CFAP61: variants seen among roughly 807,000 people sequenced by gnomAD.
The protein encoded by CFAP61 is cilia- and flagella-associated protein 61.
A neutral mutation model predicts 135.6 loss-of-function variants in CFAP61; 107 were observed. The ratio of observed to expected loss-of-function variants is 0.79; its 90% CI spans 0.67 to 0.93. The LOEUF is 0.93. Among genes scored for constraint, CFAP61 ranks in the 40% least tolerant of loss-of-function variants. The pLI is 0.00. For missense variants in CFAP61, 1,507 were observed against 1,556.2 expected, an observed-to-expected ratio of 0.97 and a Z score of 0.53; for synonymous variants, 575 against 578.5, an observed-to-expected ratio of 0.99 and a Z score of 0.09.
intron 25 of CFAP61, among the ~76,000 whole-genome samples, chr20:20,327,536 A>C (rs1170973194): frequency 6.6e-6 from 1 of 152,178 alleles, no homozygotes; most frequent in Non-Finnish European, 1.5e-5. Flanking sequence ...AATGGCTGGC[A>C]TGAGCTCTCA....
chr20:20,166,775 T>G (rs1345393377), intron 12 of CFAP61, among the ~76,000 whole-genome samples: 1 of 152,182 alleles, frequency 6.6e-6, no homozygotes, highest in African/African-American at 2.4e-5. Flanking sequence ...CTCCAAGTAT[T>G]CTGAAACCAT....
chr20:20,127,490 T>C (rs1391316286), intron 8 of CFAP61, among the ~76,000 whole-genome samples: 2 of 151,692 alleles, frequency 1.3e-5, no homozygotes, highest in Admixed American at 6.6e-5. Flanking sequence ...GTTCTCTCTC[T>C]TCTGGGTCTA....
chr20:20,287,361 G>A (rs901657896), intron 22 of CFAP61, among the ~76,000 whole-genome samples: 43 of 152,296 alleles, frequency 2.8e-4, no homozygotes, highest in Non-Finnish European at 5.7e-4. Flanking sequence ...TCTTCAAGAT[G>A]GAAATAGGCT....
intron 6 of CFAP61, among the ~76,000 whole-genome samples, chr20:20,089,386 T>TTATATA (rs11473166): frequency 1.0e-3 from 151 of 148,246 alleles, no homozygotes; most frequent in African/African-American, 3.4e-3. Flanking sequence ...GCCCTGAGCT[T>TTATATA]TATATATATA....
chr20:20,064,784 T>A (rs1208649472), intron 2 of CFAP61, among the ~76,000 whole-genome samples: 2 of 152,150 alleles, frequency 1.3e-5, no homozygotes, highest in Non-Finnish European at 2.9e-5. Flanking sequence ...AAGATTCAAA[T>A]CATAAAGTTA....
Position 20,203,722 on chromosome 20 carries a change from T to C in CFAP61, c.1932+3820T>C, listed in dbSNP as rs2056734703. Among the ~76,000 whole-genome samples, 2 of 152,154 alleles carry C rather than the reference T, an allele frequency of 1.3e-5. 1 individual carries two copies. Among genetic ancestry groups the C allele is most frequent in the African/African-American group, 4.8e-5 (2 of 41,428 alleles). On this transcript the variant is annotated intron_variant, in intron 17 of 26. Transcript: ENST00000245957. ...AGCTGCCTTACACTTATTTTGAGGG[T>C]GGGTCTACATACAAACCTGTTTTCT... is the stretch of plus-strand genomic sequence containing the variant.
At chr20:20,149,351 C>G (rs2052200378) in intron 9 of CFAP61, among the ~76,000 whole-genome samples, 1 of 152,164 alleles carries the variant, frequency 6.6e-6, no homozygotes, top group Non-Finnish European at 1.5e-5. Flanking sequence ...AGATAGGAAA[C>G]AGGGCTGACA....
intron 10 of CFAP61, among the ~76,000 whole-genome samples, chr20:20,163,111 G>A (rs2053536834): frequency 6.6e-6 from 1 of 152,168 alleles, no homozygotes; most frequent in African/African-American, 2.4e-5. Flanking sequence ...TTCAATGGGG[G>A]TAGAGACTTG....
intron 7 of CFAP61, among the ~76,000 whole-genome samples, chr20:20,095,175 G>A (rs1348389968): frequency 1.3e-5 from 2 of 151,736 alleles, no homozygotes; most frequent in Admixed American, 6.6e-5. Flanking sequence ...AAGAAATAAT[G>A]GCTAGCTACT....
chr20:20,287,024 A>C (rs1321012381), intron 22 of CFAP61, among the ~76,000 whole-genome samples: 1 of 152,126 alleles, frequency 6.6e-6, no homozygotes, highest in Non-Finnish European at 1.5e-5. Context: ...TTCAAATCAG[A>C]TATCTTTCTA....
rs564247606 is a variant in CFAP61 at position 20,092,266 on chromosome 20, T to G, written c.699+1290T>G. 2.9e-3 allele frequency among the ~76,000 whole-genome samples: 447 copies of G among 152,388 alleles called. 1 individual carries two copies. The highest frequency in any genetic ancestry group is 4.4e-3 in the Non-Finnish European group (299 of 68,038). On this transcript the variant is annotated intron_variant, in intron 7 of 26. Coordinates refer to ENST00000245957, the MANE Select transcript of CFAP61 (RefSeq NM_015585.4). ...CAAGTTATATATGATTAAATATTTT[T>G]GAATTAGCAGCTATTGTAAAAATTA...
chr20:20,063,158 A>G (rs2044942831), intron 2 of CFAP61, among the ~76,000 whole-genome samples: 1 of 152,008 alleles, frequency 6.6e-6, no homozygotes, highest in Non-Finnish European at 1.5e-5. Context: ...CCAAAGATTC[A>G]GGGATTGGGT....
intron 25 of CFAP61, among the ~76,000 whole-genome samples, chr20:20,337,288 GGATA>G (rs756504588): frequency 0.29 from 4,569 of 16,020 alleles, 1,809 homozygotes; most frequent in South Asian, 0.67. Flanking sequence ...ATGGATGGAT[GGATA>G]GATGGATGGA....
At position 20,265,298 on chromosome 20, in the gene CFAP61, A is replaced by G. The variant is rs2052617155; in HGVS notation, c.2503+2168A>G. 1.6e-5 allele frequency: 12 copies of G among 746,130 alleles called. No homozygotes were observed. The South Asian group carries it at 1.7e-4, about 11-fold the overall frequency. The allele number at this position is 746,130 out of a possible 1,614,324, so 46.2% of individuals were successfully genotyped here. ...CATTTGACCAAGAAAAGAGCCTTCG[A>G]AAGTGGCACTGCAAGGTCTTAAGGT... is the stretch of plus-strand genomic sequence containing the variant. On this transcript the variant is annotated intron_variant, in intron 21 of 26. Transcript: ENST00000245957.
chr20:20,166,736 T>C (rs938799401), intron 12 of CFAP61, among the ~76,000 whole-genome samples: 5 of 50,228 alleles, frequency 1.0e-4, no homozygotes, highest in Non-Finnish European at 2.3e-4. Context: ...TTAAAGTGAA[T>C]GACACTGTTA....
At chr20:20,336,609 A>C (rs947741188) in intron 25 of CFAP61, among the ~76,000 whole-genome samples, 1 of 150,498 alleles carries the variant, frequency 6.6e-6, no homozygotes, top group Non-Finnish European at 1.5e-5. Context: ...TGGGTGACAA[A>C]GCAACAACCT....
At chr20:20,075,870 A>G (rs544834799) in intron 6 of CFAP61, among the ~76,000 whole-genome samples, 3 of 152,316 alleles carry the variant, frequency 2.0e-5, no homozygotes, top group African/African-American at 7.2e-5. Flanking sequence ...CTGAAAACAC[A>G]CAATCCTAGG....
chr20:20,288,493 T>A, intron 22 of CFAP61, 116 bp from the exon 23 acceptor site: 1 of 786,822 alleles, frequency 1.3e-6, no homozygotes, highest in Non-Finnish European at 2.1e-6. Context: ...TAGCAAACTT[T>A]TAGTATGTGT....
intron 8 of CFAP61, among the ~76,000 whole-genome samples, chr20:20,111,815 C>T (rs992569580): frequency 1.3e-5 from 2 of 152,262 alleles, no homozygotes; most frequent in South Asian, 4.1e-4. Flanking sequence ...AAATTTTAAA[C>T]AAAGCCATAA....
Sources: gnomAD v4.1 joint callset for allele counts (sites outside exome capture counted in the v4.1 genomes callset) on GRCh38, gnomAD v4.1.1 for gene constraint, MANE v1.5 for transcripts, NCBI Gene and HGNC (gene_info 2026-07-23, HGNC 2026-07-21) for gene names.